TMEM127: variants seen among roughly 807,000 people sequenced by gnomAD.
TMEM127 encodes transmembrane protein 127.
TMEM127 carries 21 observed loss-of-function variants against 20.1 expected under a neutral mutation model. That is an observed-to-expected ratio of 1.04 (90% CI 0.74 to 1.50). The LOEUF (loss-of-function observed/expected upper bound fraction) is 1.50. Among genes scored for constraint, TMEM127 ranks in the 40% most tolerant of loss-of-function variants. TMEM127 has a pLI of 0.00. For missense variants in TMEM127, 303 were observed against 317.4 expected (o/e 0.95, Z 0.34); for synonymous variants, 150 against 144.7 (o/e 1.04, Z -0.26).
rs1339140963 is a variant in TMEM127 at position 96,251,448 on chromosome 2, AG to A, written c.*2359del. 1 of 207,702 alleles carries A rather than the reference AG, an allele frequency of 4.8e-6. No individual in the cohort carries two copies. The highest frequency in any genetic ancestry group is 7.3e-5 in the East Asian group (1 of 13,722). 12.9% of individuals were successfully genotyped at this position (207,702 alleles called of 1,614,324 possible). ...GGCAGGATAATCGCTTGAACCCAGG[AG>A]GCAGAGGTTGCAGTGAGCTGAGATC... On this transcript the variant is annotated 3_prime_UTR_variant, in exon 4 of 4. Transcript: ENST00000258439.
Position 96,253,639 on chromosome 2 carries a change from G to T in TMEM127, c.*169C>A. On this transcript the variant is annotated 3_prime_UTR_variant, in exon 4 of 4. Coordinates refer to ENST00000258439, the MANE Select transcript of TMEM127 (RefSeq NM_017849.4). This position sits in a 1 kb window ranked among gnomAD's most constrained non-coding sequence, Gnocchi z 4.3. ...AACCAGTGGACCTCCGGTTCTGAGAGCAGGGATACTTGGATGACCCTAAAG... is the reference window on the plus strand; with the variant it reads ...AACCAGTGGACCTCCGGTTCTGAGATCAGGGATACTTGGATGACCCTAAAG... 4.3e-6 allele frequency: 3 copies of T among 694,684 alleles called. 1 individual carries two copies. Among genetic ancestry groups the T allele is most frequent in the South Asian group, 4.0e-5 (2 of 50,252 alleles). The allele number at this position is 694,684 out of a possible 1,614,324, so 43.0% of individuals were successfully genotyped here.
At position 96,249,118 on chromosome 2, in the gene TMEM127, T is replaced by G. The variant is rs1279426000; in HGVS notation, c.*4690A>C. The stretch of plus-strand genomic sequence containing the variant: ...TGTGTGTGTGTGTGTGTGTGTGTGT[T>G]TGAGATGGAGTCTCACTCTGTCAGG... On this transcript the variant is annotated 3_prime_UTR_variant, in exon 4 of 4. Coordinates refer to ENST00000258439, the MANE Select transcript of TMEM127 (RefSeq NM_017849.4). 5 of 215,288 alleles carry G rather than the reference T, an allele frequency of 2.3e-5. No homozygotes were observed. The highest frequency in any genetic ancestry group is 2.0e-4 in the South Asian group (1 of 5,036). 13.3% of individuals were successfully genotyped at this position (215,288 alleles called of 1,614,324 possible).
chr2:96,254,251 G>A (rs968785047), intron 3 of TMEM127, 136 bp from the exon 4 acceptor site: 2 of 1,174,394 alleles, frequency 1.7e-6, no homozygotes, highest in East Asian at 2.5e-5. Flanking sequence ...CTGCAAGGAG[G>A]AGCTCTCTTG....
chr2:96,262,926 G>A (rs1172462017), intron 2 of TMEM127, among the ~76,000 whole-genome samples: 5 of 152,292 alleles, frequency 3.3e-5, no homozygotes, highest in African/African-American at 4.8e-5. Context: ...TGATCCATCC[G>A]CCTTGGCCTC....
intron 2 of TMEM127, among the ~76,000 whole-genome samples, chr2:96,264,258 G>A (rs1277714708): frequency 6.6e-6 from 1 of 152,184 alleles, no homozygotes; most frequent in East Asian, 1.9e-4. Context: ...ATATCTAACA[G>A]GAAGTGCTTC....
chr2:96,255,041 G>GCAA, intron 2 of TMEM127, 44 bp from the exon 3 acceptor site: 1 of 1,612,222 alleles, frequency 6.2e-7, no homozygotes, highest in Non-Finnish European at 8.5e-7. Flanking sequence ...AGTAACACTT[G>GCAA]GTGCAGGAAG....
rs1269059052 is a variant in TMEM127, at chr2:96,254,024, G to A, written c.501C>T (p.Ser167=). The A allele has an allele frequency of 6.8e-6, 11 of 1,614,148 alleles. No individual in the cohort carries two copies. The highest frequency in any genetic ancestry group is 6.8e-6 in the Non-Finnish European group (8 of 1,180,012). The part of the protein sequence containing the change: ...QQQQHKKYHG[S]QVYVTFAVSF... ...TAACGGCGAAGGTGACATAGACCTG[G>A]GATCCATGGTACTTCTTATGCTGCT... Residue 167 remains serine (S), a synonymous_variant, in exon 4 of 4, where the codon TCC becomes TCT. Coordinates refer to ENST00000258439, the MANE Select transcript of TMEM127 (RefSeq NM_017849.4).
In TMEM127 at chr2:96,254,908, G is replaced by A. The variant is rs762639740; in HGVS notation, c.334C>T (p.Leu112Phe). Residue 112 changes from leucine to phenylalanine, a missense_variant, in exon 3 of 4, where the codon CTT (leucine) becomes TTT (phenylalanine). Transcript: ENST00000258439. ...LGILCSLSAF[L>F]LDVFGPKHPA... ...TGCTTCGGCCCAAAGACATCCAGAA[G>A]GAAAGCGGAGAGACTACACAGGATG... 2 of 1,614,178 alleles carry A rather than the reference G, an allele frequency of 1.2e-6. No individual in the cohort carries two copies. The highest frequency in any genetic ancestry group is 1.3e-5 in the African/African-American group (1 of 75,050).
chr2:96,251,149 C>T lies in TMEM127; in HGVS notation c.*2659G>A, dbSNP rs1359425853. The T allele has an allele frequency of 9.3e-6, 2 of 216,102 alleles. No individual in the cohort carries two copies. The highest frequency in any genetic ancestry group is 2.3e-5 in the African/African-American group (1 of 44,372). 13.4% of individuals were successfully genotyped at this position (216,102 alleles called of 1,614,324 possible). Reference sequence around the variant, plus strand: ...GACCTAGAAACTTCCTGTGTGAAAACAGGATTAGGAAGCTCTGGGGGTGAA... The same window carrying T: ...GACCTAGAAACTTCCTGTGTGAAAATAGGATTAGGAAGCTCTGGGGGTGAA... On this transcript the variant is annotated 3_prime_UTR_variant, in exon 4 of 4. Coordinates refer to ENST00000258439, the MANE Select transcript of TMEM127 (RefSeq NM_017849.4).
At chr2:96,264,833 G>C (rs916951462) in intron 2 of TMEM127, among the ~76,000 whole-genome samples, 1 of 152,208 alleles carries the variant, frequency 6.6e-6, no homozygotes, top group Non-Finnish European at 1.5e-5. Flanking sequence ...CCTTAGAAGA[G>C]GCCAGCTAAC....
At position 96,249,668 on chromosome 2, in the gene TMEM127, A is replaced by G; in HGVS notation, c.*4140T>C. 1 of 232,868 alleles carries G rather than the reference A, an allele frequency of 4.3e-6. No individual in the cohort carries two copies. The highest frequency in any genetic ancestry group is 6.0e-5 in the East Asian group (1 of 16,550). The allele number at this position is 232,868 out of a possible 1,614,324, so 14.4% of individuals were successfully genotyped here. A position where few individuals can be genotyped will look rare whatever the true frequency, so the allele number is the denominator to read the frequency against. On this transcript the variant is annotated 3_prime_UTR_variant, in exon 4 of 4. Transcript: ENST00000258439. ...CATTAAAATGTCACTCCCCCCAAAA[A>G]ATGCAGAGGAAGAGGTAAGATTGCA... is the stretch of plus-strand genomic sequence containing the variant.
At position 96,253,429 on chromosome 2, in the gene TMEM127, T is replaced by G; in HGVS notation, c.*379A>C. ...AGTGAGCCTCCAGGGCACAGTCCCC[T>G]TTCCCTTGGGCCCTTTGACACTTGT... On this transcript the variant is annotated 3_prime_UTR_variant, in exon 4 of 4. Coordinates refer to ENST00000258439, the MANE Select transcript of TMEM127 (RefSeq NM_017849.4). This position sits in a 1 kb window ranked among gnomAD's most constrained non-coding sequence, Gnocchi z 4.3. 9.7e-6 allele frequency: 3 copies of G among 310,634 alleles called. No individual in the cohort carries two copies. The highest frequency in any genetic ancestry group is 4.6e-5 in the Admixed American group (1 of 21,948). 19.2% of individuals were successfully genotyped at this position (310,634 alleles called of 1,614,324 possible).
intron 2 of TMEM127, among the ~76,000 whole-genome samples, chr2:96,256,329 T>C (rs1304177640): frequency 6.6e-6 from 1 of 151,200 alleles, no homozygotes; most frequent in East Asian, 1.9e-4. Flanking sequence ...TCCCACACTT[T>C]GGGAGGCCAA....
rs886056430 is a variant in TMEM127 at position 96,250,783 on chromosome 2, C to G, written c.*3025G>C. On this transcript the variant is annotated 3_prime_UTR_variant, in exon 4 of 4. Transcript: ENST00000258439. ...TACAGGAGGCTTACAGGTCACACTC[C>G]CAGAACTGTCTCTATCCCCATGCCT... The G allele has an allele frequency of 1.7e-4, 39 of 232,722 alleles. No homozygotes were observed. The Middle Eastern group carries it at 6.4e-3, about 38-fold the overall frequency. The allele number at this position is 232,722 out of a possible 1,614,324, so 14.4% of individuals were successfully genotyped here.
chr2:96,254,889 G>C lies in TMEM127; in HGVS notation c.353C>G (p.Pro118Arg). The C allele has an allele frequency of 6.2e-7, 1 of 1,614,078 alleles. No individual in the cohort carries two copies. Among genetic ancestry groups the C allele is most frequent in the Non-Finnish European group, 8.5e-7 (1 of 1,179,976 alleles). ...AGTGATCTTCAGAGCAGGATGCTTCGGCCCAAAGACATCCAGAAGGAAAGC... is the reference window on the plus strand; with the variant it reads ...AGTGATCTTCAGAGCAGGATGCTTCCGCCCAAAGACATCCAGAAGGAAAGC... Reference protein sequence around the residue: ...LSAFLLDVFGPKHPALKITRR... With the variant: ...LSAFLLDVFGRKHPALKITRR... The change falls in exon 3 of 4, where the codon CCG (proline) becomes CGG (arginine). Residue 118 changes from proline to arginine, a missense_variant. Physicochemically the swap from Pro to Arg is moderately radical, Grantham distance 103 (BLOSUM62 -2). Coordinates refer to ENST00000258439, the MANE Select transcript of TMEM127 (RefSeq NM_017849.4).
chr2:96,256,527 C>T (rs535650465), intron 2 of TMEM127, among the ~76,000 whole-genome samples: 5 of 147,560 alleles, frequency 3.4e-5, no homozygotes, highest in African/African-American at 1.0e-4. Context: ...GCCGAGATTG[C>T]GCCTTCACAC....
rs997924382 is a variant in TMEM127 at position 96,251,547 on chromosome 2, T to A, written c.*2261A>T. 2 of 230,558 alleles carry A rather than the reference T, an allele frequency of 8.7e-6. No homozygotes were observed. Among genetic ancestry groups the A allele is most frequent in the Non-Finnish European group, 1.7e-5 (2 of 116,408 alleles). 14.3% of individuals were successfully genotyped at this position (230,558 alleles called of 1,614,324 possible). On this transcript the variant is annotated 3_prime_UTR_variant, in exon 4 of 4. Coordinates refer to ENST00000258439, the MANE Select transcript of TMEM127 (RefSeq NM_017849.4). Reference sequence around the variant, plus strand: ...CAAAAACAAGAAAAAGAAAAAAAAATACAGCCTCATCAACATCTCCTGCTT... The same window carrying A: ...CAAAAACAAGAAAAAGAAAAAAAAAAACAGCCTCATCAACATCTCCTGCTT...
At position 96,265,131 on chromosome 2, in the gene TMEM127, C is replaced by T; in HGVS notation, c.244+7G>A. ...AGGCTTTAAGGGCCAGCGCGCAGCA[C>T]CCTCACCTTTCAGCAGGTCCGGGTG... On this transcript the variant is annotated splice_region_variant and intron_variant, in intron 2 of 3. Coordinates refer to ENST00000258439, the MANE Select transcript of TMEM127 (RefSeq NM_017849.4). 2.5e-6 allele frequency: 4 copies of T among 1,612,282 alleles called. No individual in the cohort carries two copies. Among genetic ancestry groups the T allele is most frequent in the Non-Finnish European group, 3.4e-6 (4 of 1,179,824 alleles).
rs1050763703 is a variant in TMEM127, at chr2:96,251,609, C to G, written c.*2199G>C. ...AGGGAACAAACCAAATCAGGAAAAT[C>G]GTGACAGAAAAATGACAGGCAGCCA... On this transcript the variant is annotated 3_prime_UTR_variant, in exon 4 of 4. Transcript: ENST00000258439. 1 of 232,794 alleles carries G rather than the reference C, an allele frequency of 4.3e-6. No homozygotes were observed. Among genetic ancestry groups the G allele is most frequent in the African/African-American group, 2.2e-5 (1 of 45,262 alleles). 14.4% of individuals were successfully genotyped at this position (232,794 alleles called of 1,614,324 possible).
Sources: allele counts gnomAD v4.1 joint callset (sites outside exome capture counted in the v4.1 genomes callset), GRCh38; gene constraint gnomAD v4.1.1; non-coding constraint Gnocchi (gnomAD v3.1); transcripts MANE v1.5; gene names NCBI Gene and HGNC (gene_info 2026-07-23, HGNC 2026-07-21).